PLA2R1: variants seen among roughly 807,000 people sequenced by gnomAD.
PLA2R1 encodes the protein secretory phospholipase A2 receptor.
Under a neutral mutation model 195.9 loss-of-function variants are expected in PLA2R1, and 158 were observed. The observed-to-expected ratio is 0.81, with a 90% CI of 0.71 to 0.92. The LOEUF is 0.92. Among genes scored for constraint, PLA2R1 ranks in the 40% least tolerant of loss-of-function variants. The pLI is 0.00. For synonymous variants in PLA2R1, 586 were observed against 598.2 expected, an observed-to-expected ratio of 0.98 and a Z score of 0.30; for missense variants, 1,626 against 1,764.6, an observed-to-expected ratio of 0.92 and a Z score of 1.41.
intron 20 of PLA2R1, among the ~76,000 whole-genome samples, chr2:159,966,504 G>A (rs1290536253): frequency 6.6e-6 from 1 of 152,108 alleles, no homozygotes; most frequent in Non-Finnish European, 1.5e-5. Flanking sequence ...GTAAACAGTA[G>A]ACAAAAATGG....
chr2:160,050,793 G>A (rs1238021550), intron 1 of PLA2R1, among the ~76,000 whole-genome samples: 1 of 152,176 alleles, frequency 6.6e-6, no homozygotes, highest in Non-Finnish European at 1.5e-5. Flanking sequence ...GCAAAAGGGG[G>A]TGCCATGAGG....
At chr2:160,038,211 G>C (rs1363881778) in intron 3 of PLA2R1, among the ~76,000 whole-genome samples, 1 of 152,200 alleles carries the variant, frequency 6.6e-6, no homozygotes. Flanking sequence ...AAGAATTGCA[G>C]TATTTTTAAG....
rs1558961194 is a variant in PLA2R1, at chr2:160,028,234, A to G, written c.1083T>C (p.Ile361=). 3 of 1,593,220 alleles carry G rather than the reference A, an allele frequency of 1.9e-6. No homozygotes were observed. Among genetic ancestry groups the G allele is most frequent in the Non-Finnish European group, 2.6e-6 (3 of 1,172,370 alleles). ...PYICKKYLNH[I]DHEIVEKDAW... ...AACGCTTACCAACTATTTCATGATC[A>G]ATGTGGTTTAGATATTTTTTACATA... The change falls in exon 6 of 30, where the codon ATT becomes ATC. Residue 361 remains isoleucine (I), a synonymous_variant. Coordinates refer to ENST00000283243, the MANE Select transcript of PLA2R1 (RefSeq NM_007366.5).
chr2:159,997,660 G>A (rs919059336), intron 11 of PLA2R1, among the ~76,000 whole-genome samples: 3 of 152,036 alleles, frequency 2.0e-5, no homozygotes, highest in Non-Finnish European at 4.4e-5. Flanking sequence ...GCCTCCAGCA[G>A]TTTTATCAAT....
intron 9 of PLA2R1, 127 bp downstream of exon 9, chr2:160,016,487 A>T: frequency 1.8e-6 from 1 of 545,364 alleles, no homozygotes; most frequent in East Asian, 3.2e-5. Context: ...GGGTGCGAGG[A>T]GAGAGAGAGA....
intron 11 of PLA2R1, among the ~76,000 whole-genome samples, chr2:159,987,685 CT>C (rs1690449542): frequency 6.6e-6 from 1 of 152,152 alleles, no homozygotes; most frequent in African/African-American, 2.4e-5. Context: ...CAATATTGTA[CT>C]TCAAAATTCC....
intron 12 of PLA2R1, among the ~76,000 whole-genome samples, chr2:159,984,598 C>T (rs1690196193): frequency 6.6e-6 from 1 of 152,136 alleles, no homozygotes; most frequent in Non-Finnish European, 1.5e-5. Flanking sequence ...AGACCTGGGA[C>T]CTAGGGTAGC....
At chr2:159,956,018 A>T (rs1688063336) in intron 21 of PLA2R1, among the ~76,000 whole-genome samples, 190 bp from the exon 22 acceptor site, 1 of 152,200 alleles carries the variant, frequency 6.6e-6, no homozygotes, top group African/African-American at 2.4e-5. Context: ...GTTTAAATTG[A>T]CAGAAATTAG....
At chr2:159,988,684 A>ATT (rs1412841365) in intron 11 of PLA2R1, among the ~76,000 whole-genome samples, 1 of 152,224 alleles carries the variant, frequency 6.6e-6, no homozygotes, top group Non-Finnish European at 1.5e-5. Flanking sequence ...TCTTTAAAAA[A>ATT]TGTCGTCACT....
chr2:159,941,635 C>T lies in PLA2R1; in HGVS notation c.*143G>A, dbSNP rs1044270161. 8 of 563,544 alleles carry T rather than the reference C, an allele frequency of 1.4e-5. No individual in the cohort carries two copies. The highest frequency in any genetic ancestry group is 1.3e-4 in the Admixed American group (4 of 30,660). The allele number at this position is 563,544 out of a possible 1,614,324, so 34.9% of individuals were successfully genotyped here. ...CATCTGATTTGGTTAAGATTCAAAA[C>T]CAGTAATCACTTCAAGAATAATTAA... is the stretch of plus-strand genomic sequence containing the variant. On this transcript the variant is annotated 3_prime_UTR_variant, in exon 30 of 30. Transcript: ENST00000283243.
At chr2:160,061,257 G>A (rs74640647) in intron 1 of PLA2R1, among the ~76,000 whole-genome samples, 7 of 152,250 alleles carry the variant, frequency 4.6e-5, no homozygotes, top group South Asian at 2.1e-4. Flanking sequence ...GCACTTAGGC[G>A]CAGGCTTCTC....
At chr2:160,058,258 G>T (rs913652393) in intron 1 of PLA2R1, among the ~76,000 whole-genome samples, 1 of 152,084 alleles carries the variant, frequency 6.6e-6, no homozygotes, top group African/African-American at 2.4e-5. Flanking sequence ...CTTTCCGTCG[G>T]CGCAGCATGT....
At chr2:159,945,635 T>C (rs1403267159) in intron 27 of PLA2R1, among the ~76,000 whole-genome samples, 1 of 152,244 alleles carries the variant, frequency 6.6e-6, no homozygotes, top group African/African-American at 2.4e-5. Context: ...TCTTTGCTAT[T>C]GTGAATAGTG....
downstream of PLA2R1, chr2:159,931,866 G>A (rs1489221753): frequency 1.3e-5 from 2 of 152,284 alleles, no homozygotes; most frequent in African/African-American, 4.8e-5. Flanking sequence ...ATAAATGTAC[G>A]TTTATGTGTT....
At chr2:160,055,777 G>A (rs557861374) in intron 1 of PLA2R1, among the ~76,000 whole-genome samples, 3 of 151,356 alleles carry the variant, frequency 2.0e-5, no homozygotes, top group South Asian at 2.2e-4. Context: ...ACAATGTGTC[G>A]ATGTAAATAA....
At position 160,028,878 on chromosome 2, in the gene PLA2R1, C is replaced by T. The variant is rs150758389; in HGVS notation, c.927G>A (p.Thr309=). The part of the protein sequence containing the change: ...EHAGWQWSDG[T]PLNYLNWSPE... The stretch of plus-strand genomic sequence containing the variant: ...GGCTCCAATTCAGATAGTTGAGCGG[C>T]GTTCCATCAGACCACTGCCAGCCAG... The change falls in exon 5 of 30, where the codon ACG becomes ACA. Residue 309 remains threonine, a synonymous_variant. Coordinates refer to ENST00000283243, the MANE Select transcript of PLA2R1 (RefSeq NM_007366.5). The T allele has an allele frequency of 3.5e-5, 57 of 1,611,998 alleles. No individual in the cohort carries two copies. In the African/African-American group the frequency reaches 3.6e-4, roughly 10 times the overall value.
intron 23 of PLA2R1, among the ~76,000 whole-genome samples, chr2:159,952,729 G>A (rs1687824945): frequency 6.6e-6 from 1 of 152,162 alleles, no homozygotes; most frequent in African/African-American, 2.4e-5. Flanking sequence ...TCCACACAAG[G>A]CACACACTAT....
At chr2:160,006,763 T>C (rs938361842) in intron 10 of PLA2R1, among the ~76,000 whole-genome samples, 2 of 152,230 alleles carry the variant, frequency 1.3e-5, no homozygotes, top group African/African-American at 4.8e-5. Flanking sequence ...GCTGAAGCCA[T>C]TACCCAGGAA....
chr2:160,036,938 C>A (rs544179339), intron 3 of PLA2R1, among the ~76,000 whole-genome samples: 2 of 152,158 alleles, frequency 1.3e-5, no homozygotes, highest in Non-Finnish European at 2.9e-5. Context: ...CTTTGTTATA[C>A]CATTGTAGTG....
Sources: allele counts gnomAD v4.1 joint callset (sites outside exome capture counted in the v4.1 genomes callset), GRCh38; gene constraint gnomAD v4.1.1; transcripts MANE v1.5; gene names NCBI Gene and HGNC (gene_info 2026-07-23, HGNC 2026-07-21).